LPIN1: variants seen among roughly 807,000 people sequenced by gnomAD.
LPIN1 encodes phosphatidate phosphatase LPIN1.
LPIN1 carries 71 observed loss-of-function variants against 107.5 expected under a neutral mutation model. That is an observed-to-expected ratio of 0.66 (90% CI 0.55 to 0.80). The LOEUF is 0.80. Ranked by LOEUF, LPIN1 falls within the 30% of genes least tolerant of loss-of-function variation. LPIN1 has a pLI of 0.00. For missense variants in LPIN1, 1,043 were observed against 1,160.6 expected, an observed-to-expected ratio of 0.90 and a Z score of 1.47; for synonymous variants, 445 against 452.6, an observed-to-expected ratio of 0.98 and a Z score of 0.21.
intron 1 of LPIN1, among the ~76,000 whole-genome samples, chr2:11,708,009 T>G (rs1663212543): frequency 6.6e-6 from 1 of 151,814 alleles, no homozygotes; most frequent in African/African-American, 2.4e-5. Flanking sequence ...TGAGTGATGA[T>G]CACAGTTTCA....
At chr2:11,735,698 G>A (rs1665728163) in intron 1 of LPIN1, among the ~76,000 whole-genome samples, 2 of 152,338 alleles carry the variant, frequency 1.3e-5, no homozygotes, top group South Asian at 4.1e-4. Flanking sequence ...GAAAGGGGTT[G>A]TGTTAGGCTC....
In LPIN1 at chr2:11,765,212, A is replaced by C. The variant is rs1333047582; in HGVS notation, c.-9-321A>C. ...GGGCTGTGATGGTCCGTGATGGGCC[A>C]TGATGGACACTGATGGGCCATGATG... On this transcript the variant is annotated intron_variant, in intron 1 of 20. Transcript: ENST00000674199. The surrounding 1 kb of genome is among the most constrained non-coding windows in gnomAD (Gnocchi z 4.4). Among the ~76,000 whole-genome samples, 1 of 149,030 alleles carries C rather than the reference A, an allele frequency of 6.7e-6. No homozygotes were observed. Among genetic ancestry groups the C allele is most frequent in the South Asian group, 2.1e-4 (1 of 4,678 alleles).
chr2:11,792,154 G>A lies in LPIN1; in HGVS notation c.1806+148G>A, dbSNP rs905063303. 9.8e-6 allele frequency: 7 copies of A among 712,108 alleles called. No homozygotes were observed. The East Asian group carries it at 1.8e-4, about 18-fold the overall frequency. 44.1% of individuals were successfully genotyped at this position (712,108 alleles called of 1,614,324 possible). A position where few individuals can be genotyped will look rare whatever the true frequency, so the allele number is the denominator to read the frequency against. ...CCAGCTCTGCCATGAAGTAGGGCGA[G>A]TGCTCGTGGAACGTGGGGAAGGTGG... On this transcript the variant is annotated intron_variant, in intron 13 of 20. Transcript: ENST00000674199.
chr2:11,680,172 T>A (rs1324921695), intron 1 of LPIN1, among the ~76,000 whole-genome samples: 1 of 152,144 alleles, frequency 6.6e-6, no homozygotes, highest in Non-Finnish European at 1.5e-5. Flanking sequence ...GTGACTGCCC[T>A]GGCCAGAAGC....
intron 1 of LPIN1, among the ~76,000 whole-genome samples, chr2:11,684,800 A>C (rs1661916125): frequency 6.8e-6 from 1 of 146,846 alleles, no homozygotes; most frequent in South Asian, 2.1e-4. Context: ...ACCTTATGTC[A>C]GTTACCACGC....
intron 1 of LPIN1, among the ~76,000 whole-genome samples, chr2:11,748,652 C>A (rs1055182445): frequency 2.0e-5 from 3 of 152,214 alleles, no homozygotes; most frequent in Non-Finnish European, 4.4e-5. Flanking sequence ...TGTAAATCAT[C>A]CCTGTGGGAC....
chr2:11,719,321 G>A (rs1319335974), intron 2 of LPIN1, among the ~76,000 whole-genome samples: 1 of 152,152 alleles, frequency 6.6e-6, no homozygotes, highest in African/African-American at 2.4e-5. Flanking sequence ...AGCTTGCCTG[G>A]AAGATCCAAC....
At chr2:11,736,660 G>A (rs1036671049) in intron 1 of LPIN1, among the ~76,000 whole-genome samples, 2 of 152,274 alleles carry the variant, frequency 1.3e-5, no homozygotes, top group Admixed American at 6.5e-5. Context: ...AGATTCATCC[G>A]GTATACACTG....
At position 11,784,978 on chromosome 2, in the gene LPIN1, A is replaced by G; in HGVS notation, c.1451A>G (p.Asp484Gly). The change falls in exon 10 of 21, where the codon GAC (aspartate) becomes GGC (glycine). Residue 484 changes from aspartate to glycine, a missense_variant. Coordinates refer to ENST00000674199, the MANE Select transcript of LPIN1 (RefSeq NM_001349206.2). Reference sequence around the variant, plus strand: ...CAGTCGGTGGGCAGCTCGGGCGTGGACAGTGGCGTGGAGAGCACCTCGGAC... The same window carrying G: ...CAGTCGGTGGGCAGCTCGGGCGTGGGCAGTGGCGTGGAGAGCACCTCGGAC... Reference protein sequence around the residue: ...SPQSVGSSGVDSGVESTSDGL... With the variant: ...SPQSVGSSGVGSGVESTSDGL... 1 of 1,613,856 alleles carries G rather than the reference A, an allele frequency of 6.2e-7. No individual in the cohort carries two copies. The highest frequency in any genetic ancestry group is 8.5e-7 in the Non-Finnish European group (1 of 1,179,994).
In LPIN1 at chr2:11,779,573, G is replaced by A; in HGVS notation, c.885G>A (p.Lys295=). 3 of 1,614,128 alleles carry A rather than the reference G, an allele frequency of 1.9e-6. No individual in the cohort carries two copies. The highest frequency in any genetic ancestry group is 2.5e-6 in the Non-Finnish European group (3 of 1,180,020). The part of the protein sequence containing the change: ...TPKSDSELVS[K]STERTGQKNP... Reference sequence around the variant, plus strand: ...AAAGTGATTCAGAATTGGTCAGCAAGTCCACGGAAAGGACAGGGCAGAAGA... The same window carrying A: ...AAAGTGATTCAGAATTGGTCAGCAAATCCACGGAAAGGACAGGGCAGAAGA... Residue 295 remains lysine (K), a synonymous_variant, in exon 7 of 21, where the codon AAG becomes AAA. Coordinates refer to ENST00000674199, the MANE Select transcript of LPIN1 (RefSeq NM_001349206.2).
At chr2:11,753,916 G>C (rs545257133) in intron 1 of LPIN1, among the ~76,000 whole-genome samples, 30 of 152,220 alleles carry the variant, frequency 2.0e-4, no homozygotes, top group Admixed American at 1.6e-3. Context: ...ATGTGATCTC[G>C]GCGAACACCA....
intron 1 of LPIN1, among the ~76,000 whole-genome samples, chr2:11,747,594 G>A (rs1360962303): frequency 1.3e-5 from 2 of 152,166 alleles, no homozygotes; most frequent in African/African-American, 4.8e-5. Flanking sequence ...TTTAATTGGG[G>A]GTGTTGTGGT....
chr2:11,791,881 T>C, intron 12 of LPIN1, 33 bp from the exon 13 acceptor site: 1 of 1,610,372 alleles, frequency 6.2e-7, no homozygotes, highest in Non-Finnish European at 8.5e-7. Flanking sequence ...CTTTTTTTGT[T>C]CCATTATTTA....
intron 1 of LPIN1, among the ~76,000 whole-genome samples, chr2:11,704,209 C>T (rs1245988013): frequency 1.3e-5 from 2 of 152,212 alleles, no homozygotes; most frequent in Admixed American, 1.3e-4. Context: ...TAGGTTAGCT[C>T]AGATTTAAGG....
intron 8 of LPIN1, among the ~76,000 whole-genome samples, chr2:11,783,021 G>A (rs1256530281): frequency 6.6e-6 from 1 of 152,100 alleles, no homozygotes; most frequent in African/African-American, 2.4e-5. Context: ...TTCTCTCCTC[G>A]GCGCTTGGCA....
chr2:11,703,599 C>T (rs549059081), intron 1 of LPIN1, among the ~76,000 whole-genome samples: 4 of 152,274 alleles, frequency 2.6e-5, no homozygotes, highest in East Asian at 1.9e-4. Flanking sequence ...CAAACGGGCA[C>T]GTATCAAACT....
rs1414208123 is a variant in LPIN1, at chr2:11,765,822, G to A, written c.192+89G>A. Reference sequence around the variant, plus strand: ...TGATGCCACCTGTCTTGAACTCTCAGACCCAGAGTTTTAGGTCTTCGTTGG... The same window carrying A: ...TGATGCCACCTGTCTTGAACTCTCAAACCCAGAGTTTTAGGTCTTCGTTGG... On this transcript the variant is annotated intron_variant, in intron 2 of 20. Coordinates refer to ENST00000674199, the MANE Select transcript of LPIN1 (RefSeq NM_001349206.2). The surrounding 1 kb of genome is among the most constrained non-coding windows in gnomAD (Gnocchi z 4.4). 8.3e-7 allele frequency: 1 copy of A among 1,203,148 alleles called. No individual in the cohort carries two copies. Among genetic ancestry groups the A allele is most frequent in the African/African-American group, 1.5e-5 (1 of 65,690 alleles). The allele number at this position is 1,203,148 out of a possible 1,614,324, so 74.5% of individuals were successfully genotyped here.
At chr2:11,706,019 G>A (rs1357235981) in intron 1 of LPIN1, among the ~76,000 whole-genome samples, 1 of 152,136 alleles carries the variant, frequency 6.6e-6, no homozygotes, top group East Asian at 1.9e-4. Flanking sequence ...TTAAAAATGA[G>A]AGTTTCCCTG....
At chr2:11,686,699 C>T (rs181144961) in intron 1 of LPIN1, among the ~76,000 whole-genome samples, 39 of 152,230 alleles carry the variant, frequency 2.6e-4, no homozygotes, top group Admixed American at 2.4e-3. Flanking sequence ...GGCTGTGTTC[C>T]GAGGGGGTCT....
Sources: gnomAD v4.1 joint callset for allele counts (sites outside exome capture counted in the v4.1 genomes callset) on GRCh38, gnomAD v4.1.1 for gene constraint, Gnocchi (gnomAD v3.1) non-coding constraint, MANE v1.5 for transcripts, NCBI Gene and HGNC (gene_info 2026-07-23, HGNC 2026-07-21) for gene names.